Variants in ZNF341 observed in about 807,000 individuals in gnomAD.
ZNF341 encodes zinc finger protein 341.
Under a neutral mutation model 87.7 loss-of-function variants are expected in ZNF341, and 52 were observed. The observed-to-expected ratio is 0.59, with a 90% CI of 0.47 to 0.75. The LOEUF is 0.75. Among genes scored for constraint, ZNF341 ranks in the 30% least tolerant of loss-of-function variants. ZNF341 has a pLI of 0.00. For synonymous variants in ZNF341, 459 were observed against 472.7 expected (o/e 0.97, Z 0.38); for missense variants, 977 against 1,145.9 (o/e 0.85, Z 2.13).
At chr20:33,734,089 C>A (rs2018632810) in intron 1 of ZNF341, among the ~76,000 whole-genome samples, 1 of 152,220 alleles carries the variant, frequency 6.6e-6, no homozygotes, top group Non-Finnish European at 1.5e-5. Flanking sequence ...AAAGAGAAAT[C>A]AGTTCCTAGG....
intron 6 of ZNF341, 56 bp from the exon 7 acceptor site, chr20:33,758,659 TG>T: frequency 7.0e-7 from 1 of 1,426,042 alleles, no homozygotes; most frequent in East Asian, 2.3e-5. Flanking sequence ...AGGCTGCCCT[TG>T]GTGCCCTGAG....
At chr20:33,739,978 C>A (rs1367979725) in intron 1 of ZNF341, among the ~76,000 whole-genome samples, 1 of 152,158 alleles carries the variant, frequency 6.6e-6, no homozygotes, top group Non-Finnish European at 1.5e-5. Context: ...GATTCTCCTG[C>A]CTCAGTCTCC....
At chr20:33,736,400 A>C (rs2018686001) in intron 1 of ZNF341, among the ~76,000 whole-genome samples, 1 of 152,134 alleles carries the variant, frequency 6.6e-6, no homozygotes, top group African/African-American at 2.4e-5. Flanking sequence ...CTTCGGCAGA[A>C]ATTTAATTTA....
intron 2 of ZNF341, among the ~76,000 whole-genome samples, chr20:33,742,155 C>T (rs2018815719): frequency 6.6e-6 from 1 of 152,154 alleles, no homozygotes; most frequent in Non-Finnish European, 1.5e-5. Context: ...ACATTCCAGC[C>T]AACATGAAGG....
chr20:33,771,970 G>A (rs963828613), intron 10 of ZNF341, among the ~76,000 whole-genome samples: 4 of 130,550 alleles, frequency 3.1e-5, no homozygotes, highest in African/African-American at 1.2e-4. Flanking sequence ...AGCCATCATC[G>A]CGCCACTGCA....
chr20:33,769,380 G>GAAT (rs2019477487), intron 9 of ZNF341, among the ~76,000 whole-genome samples: 1 of 150,120 alleles, frequency 6.7e-6, no homozygotes, highest in Non-Finnish European at 1.5e-5. Flanking sequence ...GGTGGTGGGG[G>GAAT]GGGGGGCAGT....
intron 12 of ZNF341, among the ~76,000 whole-genome samples, chr20:33,785,484 C>T (rs1911479577): frequency 6.6e-6 from 1 of 151,920 alleles, no homozygotes; most frequent in Admixed American, 6.6e-5. Flanking sequence ...ATTACAGGCG[C>T]CCACCACATG....
intron 13 of ZNF341, 52 bp from the exon 14 acceptor site, chr20:33,789,466 A>C: frequency 6.3e-7 from 1 of 1,592,436 alleles, no homozygotes; most frequent in Non-Finnish European, 8.6e-7. Context: ...GGGGCCAGCA[A>C]GAGGATCCTA....
At chr20:33,784,566 C>A (rs552236398) in intron 12 of ZNF341, among the ~76,000 whole-genome samples, 3 of 146,894 alleles carry the variant, frequency 2.0e-5, no homozygotes, top group Admixed American at 1.4e-4. Flanking sequence ...CCCACCACCG[C>A]TAAAGCAGAG....
chr20:33,785,621 G>A (rs1236996943), intron 12 of ZNF341, among the ~76,000 whole-genome samples: 1 of 152,108 alleles, frequency 6.6e-6, no homozygotes, highest in Non-Finnish European at 1.5e-5. Context: ...ACAGATGCAA[G>A]CCACCACACC....
chr20:33,789,605 C>T lies in ZNF341; in HGVS notation c.2035+17C>T, dbSNP rs1298571218. 1 of 1,613,708 alleles carries T rather than the reference C, an allele frequency of 6.2e-7. No homozygotes were observed. Among genetic ancestry groups the T allele is most frequent in the Non-Finnish European group, 8.5e-7 (1 of 1,179,700 alleles). The stretch of plus-strand genomic sequence containing the variant: ...CCCACTCTGGTAAGTGGCTCTTGGG[C>T]CTGCTAAGAGGGTCTGGTTCAGCTC... On this transcript the variant is annotated intron_variant, in intron 14 of 14. Coordinates refer to ENST00000375200, the MANE Select transcript of ZNF341 (RefSeq NM_001282933.2).
chr20:33,741,122 C>A, intron 2 of ZNF341, 110 bp downstream of exon 2: 2 of 1,042,080 alleles, frequency 1.9e-6, no homozygotes, highest in Non-Finnish European at 2.9e-6. Flanking sequence ...GTCCCCAGGA[C>A]ATGCTCTGGT....
At chr20:33,746,845 G>C (rs569309827) in intron 3 of ZNF341, among the ~76,000 whole-genome samples, 2 of 152,154 alleles carry the variant, frequency 1.3e-5, no homozygotes. Flanking sequence ...GGTCACAGAG[G>C]ACTCCTGATT....
chr20:33,746,446 A>G (rs1285561871), intron 3 of ZNF341, among the ~76,000 whole-genome samples: 1 of 151,076 alleles, frequency 6.6e-6, no homozygotes, highest in East Asian at 1.9e-4. Flanking sequence ...GTTGGCCAAG[A>G]TATTCTCGAT....
At chr20:33,748,436 C>T (rs2018984060) in intron 3 of ZNF341, among the ~76,000 whole-genome samples, 1 of 152,016 alleles carries the variant, frequency 6.6e-6, no homozygotes, top group African/African-American at 2.4e-5. Context: ...AGTTATTCTC[C>T]TCATTTGTTT....
intron 2 of ZNF341, among the ~76,000 whole-genome samples, chr20:33,744,737 G>A (rs890215374): frequency 4.6e-5 from 7 of 152,030 alleles, no homozygotes; most frequent in South Asian, 2.1e-4. Context: ...GACTATAGGC[G>A]CGCACCACCA....
chr20:33,775,731 G>T (rs12625495), intron 10 of ZNF341, among the ~76,000 whole-genome samples: 34,554 of 151,780 alleles, frequency 0.23, 4,185 homozygotes, highest in Admixed American at 0.32. Flanking sequence ...ACAGGATCTT[G>T]CTCAGTCACC....
At chr20:33,739,181 G>T (rs998407299) in intron 1 of ZNF341, among the ~76,000 whole-genome samples, 3 of 152,124 alleles carry the variant, frequency 2.0e-5, no homozygotes, top group Non-Finnish European at 4.4e-5. Context: ...TCTTGGCCAG[G>T]CTAGTCTTGA....
chr20:33,752,114 C>G (rs916095135), intron 4 of ZNF341: 4 of 388,242 alleles, frequency 1.0e-5, no homozygotes, highest in African/African-American at 6.4e-5. Context: ...GCAAGCCCCC[C>G]CCCCTTTTTT....
Sources: gnomAD v4.1 joint callset for allele counts (sites outside exome capture counted in the v4.1 genomes callset) on GRCh38, gnomAD v4.1.1 for gene constraint, MANE v1.5 for transcripts, NCBI Gene and HGNC (gene_info 2026-07-23, HGNC 2026-07-21) for gene names.